Variants in CNTNAP2 observed in about 807,000 individuals in gnomAD.
The protein encoded by CNTNAP2 is contactin associated protein 2.
CNTNAP2 carries 98 observed loss-of-function variants against 155.2 expected under a neutral mutation model. The observed-to-expected ratio is 0.63, with a 90% confidence interval of 0.54 to 0.75. The LOEUF (loss-of-function observed/expected upper bound fraction) is 0.75, where lower values mean the gene tolerates loss of function less well. Among genes scored for constraint, CNTNAP2 ranks in the 30% least tolerant of loss-of-function variants. CNTNAP2 has a pLI of 0.00. For missense variants in CNTNAP2, 1,727 were observed against 1,688.1 expected (o/e 1.02, Z -0.40); for synonymous variants, 651 against 631.2 (o/e 1.03, Z -0.47).
At chr7:148,153,801 G>C (rs1298297921) in intron 17 of CNTNAP2, among the ~76,000 whole-genome samples, 1 of 152,216 alleles carries the variant, frequency 6.6e-6, no homozygotes, top group Non-Finnish European at 1.5e-5. Context: ...CCAGCCCAGG[G>C]CATGGCCAGG....
intron 1 of CNTNAP2, among the ~76,000 whole-genome samples, chr7:146,287,590 A>T (rs944740247): frequency 1.3e-5 from 2 of 152,172 alleles, no homozygotes; most frequent in Non-Finnish European, 2.9e-5. Context: ...CTTTCAACAG[A>T]CGCTCATCTT....
chr7:147,335,569 A>C (rs1352414310), intron 9 of CNTNAP2, among the ~76,000 whole-genome samples: 3 of 152,196 alleles, frequency 2.0e-5, no homozygotes, highest in Non-Finnish European at 2.9e-5. Flanking sequence ...ATGATTGAAC[A>C]AAAGAATAGC....
intron 21 of CNTNAP2, among the ~76,000 whole-genome samples, chr7:148,348,869 A>G (rs183147072): frequency 8.6e-4 from 131 of 152,326 alleles, no homozygotes; most frequent in Non-Finnish European, 7.6e-4. Context: ...ATATTAGTAA[A>G]CAGCAATATA....
intron 1 of CNTNAP2, among the ~76,000 whole-genome samples, chr7:146,261,699 G>C (rs1799921470): frequency 6.6e-6 from 1 of 152,030 alleles, no homozygotes; most frequent in Admixed American, 6.6e-5. Context: ...AGTCTGCAAA[G>C]GTTGTAGCTG....
At chr7:147,144,511 A>T (rs1801661813) in intron 8 of CNTNAP2, among the ~76,000 whole-genome samples, 1 of 152,136 alleles carries the variant, frequency 6.6e-6, no homozygotes, top group South Asian at 2.1e-4. Flanking sequence ...TCTGGATCAC[A>T]TGTAGATCTA....
At chr7:148,267,373 G>A (rs190309066) in intron 21 of CNTNAP2, among the ~76,000 whole-genome samples, 174 of 152,060 alleles carry the variant, frequency 1.1e-3, no homozygotes, top group Non-Finnish European at 2.0e-3. Flanking sequence ...ATTGTGATTA[G>A]GCTGGGCATG....
At chr7:147,049,052 G>A (rs1166768324) in intron 4 of CNTNAP2, among the ~76,000 whole-genome samples, 1 of 152,172 alleles carries the variant, frequency 6.6e-6, no homozygotes, top group Non-Finnish European at 1.5e-5. Flanking sequence ...GGAGGCTGGG[G>A]AGCTCAAGGT....
chr7:147,792,797 C>A (rs1040435014), intron 13 of CNTNAP2, among the ~76,000 whole-genome samples: 2 of 152,100 alleles, frequency 1.3e-5, no homozygotes, highest in African/African-American at 4.8e-5. Context: ...AAAGCAGCTG[C>A]ACCATTTTAC....
chr7:146,728,509 T>C (rs973379798), intron 1 of CNTNAP2, among the ~76,000 whole-genome samples: 2 of 152,086 alleles, frequency 1.3e-5, no homozygotes, highest in East Asian at 3.9e-4. Context: ...GGTGTGTCAA[T>C]TGGCTTGCTT....
At chr7:147,753,041 T>C (rs532374121) in intron 13 of CNTNAP2, among the ~76,000 whole-genome samples, 1 of 152,358 alleles carries the variant, frequency 6.6e-6, no homozygotes, top group South Asian at 2.1e-4. Context: ...TATTTTCTAC[T>C]CTCTTATATA....
chr7:146,318,221 A>G (rs1211244645), intron 1 of CNTNAP2, among the ~76,000 whole-genome samples: 2 of 152,030 alleles, frequency 1.3e-5, no homozygotes, highest in Non-Finnish European at 2.9e-5. Context: ...ATTATGAAAT[A>G]TATAGCAAAA....
At chr7:146,248,169 C>T (rs79564151) in intron 1 of CNTNAP2, among the ~76,000 whole-genome samples, 2 of 151,264 alleles carry the variant, frequency 1.3e-5, no homozygotes, top group East Asian at 2.0e-4. Flanking sequence ...ATAAGAGGTC[C>T]GGGTGCGGAA....
At chr7:147,177,974 C>T (rs1802382331) in intron 8 of CNTNAP2, among the ~76,000 whole-genome samples, 1 of 152,122 alleles carries the variant, frequency 6.6e-6, no homozygotes, top group South Asian at 2.1e-4. Flanking sequence ...GACTATAATA[C>T]TTACATGCAG....
intron 8 of CNTNAP2, among the ~76,000 whole-genome samples, chr7:147,258,812 T>C (rs752050325): frequency 3.3e-5 from 5 of 152,342 alleles, no homozygotes; most frequent in Middle Eastern, 3.4e-3. Context: ...TAACCCATGC[T>C]GTCTTCAATA....
intron 3 of CNTNAP2, among the ~76,000 whole-genome samples, chr7:147,015,358 A>G (rs1798701863): frequency 6.6e-6 from 1 of 150,378 alleles, no homozygotes; most frequent in African/African-American, 2.4e-5. Flanking sequence ...TTTTAGTTAT[A>G]TTGTATTGTT....
At chr7:147,300,035 A>G (rs2116768765) in intron 8 of CNTNAP2, 106 bp from the exon 9 acceptor site, 2 of 1,255,486 alleles carry the variant, frequency 1.6e-6, no homozygotes, top group East Asian at 2.4e-5. Context: ...TGTATTTTCC[A>G]AGAGAAAAAT....
intron 19 of CNTNAP2, among the ~76,000 whole-genome samples, chr7:148,219,947 T>TA (rs953416307): frequency 7.2e-5 from 11 of 152,218 alleles, no homozygotes; most frequent in Non-Finnish European, 7.4e-5. Context: ...GCTTGAGTTT[T>TA]AAAAAAACAG....
intron 1 of CNTNAP2, among the ~76,000 whole-genome samples, chr7:146,737,820 C>T (rs779139840): frequency 8.6e-5 from 13 of 151,958 alleles, no homozygotes; most frequent in African/African-American, 1.9e-4. Context: ...GATAACACTT[C>T]GTTCTTTTTT....
intron 3 of CNTNAP2, among the ~76,000 whole-genome samples, chr7:146,948,440 G>A (rs1322033653): frequency 2.0e-5 from 3 of 150,710 alleles, no homozygotes; most frequent in Non-Finnish European, 4.4e-5. Context: ...TATTTGTTGT[G>A]TCATTTTCTA....
Sources: allele counts gnomAD v4.1 joint callset (sites outside exome capture counted in the v4.1 genomes callset), GRCh38; gene constraint gnomAD v4.1.1; transcripts MANE v1.5; gene names NCBI Gene and HGNC (gene_info 2026-07-23, HGNC 2026-07-21).